The following TOX variants were observed in gnomAD, a reference collection of about 807,000 sequenced individuals.
The protein encoded by TOX is thymocyte selection-associated high mobility group box protein TOX.
In TOX, 11 loss-of-function variants were observed where a neutral mutation model predicts 53.7. That is an observed-to-expected ratio of 0.20 (90% CI 0.13 to 0.34). The LOEUF (loss-of-function observed/expected upper bound fraction) is 0.34. Ranked by LOEUF, TOX falls within the 10% of genes least tolerant of loss-of-function variation. The pLI is 1.00. For missense variants in TOX, 570 were observed against 664.6 expected, an observed-to-expected ratio of 0.86 and a Z score of 1.56; for synonymous variants, 225 against 245.3, an observed-to-expected ratio of 0.92 and a Z score of 0.77.
At position 58,851,951 on chromosome 8, in the gene TOX, G is replaced by A. The variant is rs1407182783; in HGVS notation, c.412-146C>T. The A allele has an allele frequency of 1.4e-6, 1 of 710,184 alleles. No individual in the cohort carries two copies. The highest frequency in any genetic ancestry group is 4.3e-5 in the Admixed American group (1 of 23,358). The allele number at this position is 710,184 out of a possible 1,614,324, so 44.0% of individuals were successfully genotyped here. The stretch of plus-strand genomic sequence containing the variant: ...TTACATACACATTTATTTTATCTGG[G>A]GTAAAATAATCCTAAAAGTATATAT... On this transcript the variant is annotated intron_variant, in intron 3 of 8. Transcript: ENST00000361421. The surrounding 1 kb of genome is among the most constrained non-coding windows in gnomAD (Gnocchi z 4.4).
At chr8:59,061,834 C>A (rs1317494373) in intron 1 of TOX, among the ~76,000 whole-genome samples, 1 of 152,014 alleles carries the variant, frequency 6.6e-6, no homozygotes, top group Non-Finnish European at 1.5e-5. Flanking sequence ...TGCGCCCATG[C>A]CCAGCCCCTG....
intron 3 of TOX, among the ~76,000 whole-genome samples, chr8:58,903,240 T>C (rs1811758832): frequency 6.6e-6 from 1 of 152,174 alleles, no homozygotes; most frequent in African/African-American, 2.4e-5. Context: ...TGTTCTAAGA[T>C]GGGTGTTAAG....
intron 7 of TOX, among the ~76,000 whole-genome samples, chr8:58,813,076 T>C (rs181391246): frequency 6.6e-6 from 1 of 152,358 alleles, no homozygotes; most frequent in East Asian, 1.9e-4. Flanking sequence ...GCATACTTTT[T>C]GGGATACACT....
intron 1 of TOX, among the ~76,000 whole-genome samples, chr8:59,093,230 T>C (rs1177269818): frequency 1.3e-5 from 2 of 152,212 alleles, no homozygotes; most frequent in African/African-American, 4.8e-5. Context: ...CACTTACTGG[T>C]TGTGAGTTCT....
chr8:58,881,068 T>C (rs1563378163), intron 3 of TOX, among the ~76,000 whole-genome samples: 1 of 150,792 alleles, frequency 6.6e-6, no homozygotes, highest in Non-Finnish European at 1.5e-5. Context: ...TGGGAGGAGG[T>C]GGGGGGTGAG....
At chr8:59,091,512 G>A (rs1804606174) in intron 1 of TOX, among the ~76,000 whole-genome samples, 1 of 149,168 alleles carries the variant, frequency 6.7e-6, no homozygotes, top group South Asian at 2.1e-4. Context: ...GGACAATATA[G>A]ACAGACAGAT....
intron 1 of TOX, among the ~76,000 whole-genome samples, chr8:58,991,499 C>T (rs564874516): frequency 7.2e-5 from 11 of 152,270 alleles, no homozygotes; most frequent in South Asian, 2.1e-4. Flanking sequence ...TCGGCCGGAT[C>T]GCTTAGGTCC....
At chr8:58,994,588 A>G (rs1813524831) in intron 1 of TOX, among the ~76,000 whole-genome samples, 1 of 152,180 alleles carries the variant, frequency 6.6e-6, no homozygotes, top group Admixed American at 6.5e-5. Flanking sequence ...CAGAAGTTCT[A>G]TGACAGAATT....
At chr8:58,808,767 A>G (rs1361381876) in intron 7 of TOX, among the ~76,000 whole-genome samples, 1 of 152,240 alleles carries the variant, frequency 6.6e-6, no homozygotes, top group East Asian at 1.9e-4. Context: ...TCACAAAGGG[A>G]CCATCTGCTT....
chr8:58,831,198 A>G (rs1810447819), intron 5 of TOX, among the ~76,000 whole-genome samples: 1 of 152,162 alleles, frequency 6.6e-6, no homozygotes, highest in Non-Finnish European at 1.5e-5. Flanking sequence ...TGGAATGGTA[A>G]GAATCCGAAC....
chr8:58,983,453 C>T (rs1463866184), intron 1 of TOX, among the ~76,000 whole-genome samples: 1 of 152,176 alleles, frequency 6.6e-6, no homozygotes, highest in Non-Finnish European at 1.5e-5. Context: ...CATGTTCTAC[C>T]TCTTAAATGC....
chr8:59,017,406 ACCTG>A lies in TOX; in HGVS notation c.103-57402_103-57399del, dbSNP rs1166527293. On this transcript the variant is annotated intron_variant, in intron 1 of 8. Coordinates refer to ENST00000361421, the MANE Select transcript of TOX (RefSeq NM_014729.3). Reference sequence around the variant, plus strand: ...TCTCTACAATATCCTTCAAAATGGTACCTGAGGCACGGTATCATCCCCTGGAGGG... The same window carrying A: ...TCTCTACAATATCCTTCAAAATGGTAAGGCACGGTATCATCCCCTGGAGGG... 7.1e-4 allele frequency among the ~76,000 whole-genome samples: 108 copies of A among 152,256 alleles called. 1 individual carries two copies. The highest frequency in any genetic ancestry group is 2.4e-3 in the African/African-American group (101 of 41,550).
chr8:58,999,875 C>T (rs1157304611), intron 1 of TOX, among the ~76,000 whole-genome samples: 1 of 152,100 alleles, frequency 6.6e-6, no homozygotes, highest in Non-Finnish European at 1.5e-5. Flanking sequence ...GTATGATCCA[C>T]ATAGGAATTT....
At chr8:59,099,256 T>C (rs889637007) in intron 1 of TOX, among the ~76,000 whole-genome samples, 1 of 152,192 alleles carries the variant, frequency 6.6e-6, no homozygotes, top group Non-Finnish European at 1.5e-5. Flanking sequence ...AAGAGAAAGA[T>C]GAGAATTAAG....
At chr8:59,072,813 C>T (rs1338296720) in intron 1 of TOX, among the ~76,000 whole-genome samples, 1 of 152,124 alleles carries the variant, frequency 6.6e-6, no homozygotes, top group Non-Finnish European at 1.5e-5. Context: ...CTATTATTGA[C>T]AGCATATAAG....
intron 1 of TOX, among the ~76,000 whole-genome samples, chr8:59,086,961 C>A (rs895088239): frequency 6.6e-6 from 1 of 151,972 alleles, no homozygotes; most frequent in Non-Finnish European, 1.5e-5. Flanking sequence ...AGGTTCAGTG[C>A]CCTTATGGAG....
In TOX at chr8:58,950,271, G is replaced by A. The variant is rs117068716; in HGVS notation, c.168+9672C>T. On this transcript the variant is annotated intron_variant, in intron 2 of 8. Coordinates refer to ENST00000361421, the MANE Select transcript of TOX (RefSeq NM_014729.3). ...ATACATATAAAAATACATGCTGTAC[G>A]TGTCTATTTATGGCCAATCATTTTT... Among the ~76,000 whole-genome samples the A allele has an allele frequency of 1.5e-3, 232 of 152,144 alleles. 1 individual carries two copies. Among genetic ancestry groups the A allele is most frequent in the East Asian group, 8.9e-3 (46 of 5,176 alleles).
intron 1 of TOX, among the ~76,000 whole-genome samples, chr8:59,039,401 T>G (rs1365024635): frequency 2.0e-5 from 3 of 152,222 alleles, no homozygotes; most frequent in African/African-American, 7.2e-5. Context: ...CTTCCTATTC[T>G]TTACCACGGT....
At chr8:59,074,238 A>G (rs1324136214) in intron 1 of TOX, among the ~76,000 whole-genome samples, 1 of 152,180 alleles carries the variant, frequency 6.6e-6, no homozygotes, top group African/African-American at 2.4e-5. Context: ...TACTTACATA[A>G]TGGGTGCTTA....
Sources: gnomAD v4.1 joint callset for allele counts (sites outside exome capture counted in the v4.1 genomes callset) on GRCh38, gnomAD v4.1.1 for gene constraint, Gnocchi (gnomAD v3.1) non-coding constraint, MANE v1.5 for transcripts, NCBI Gene and HGNC (gene_info 2026-07-23, HGNC 2026-07-21) for gene names.